R3HDM2: variants seen among roughly 807,000 people sequenced by gnomAD.
The protein encoded by R3HDM2 is R3H domain containing 2.
Under a neutral mutation model 124.5 loss-of-function variants are expected in R3HDM2, and 38 were observed. That is an observed-to-expected ratio of 0.31 (90% CI 0.24 to 0.40). The LOEUF is 0.40. R3HDM2 is among the 10% of genes least tolerant of loss of function. The pLI, the probability that R3HDM2 is intolerant of heterozygous loss-of-function variation, is 1.00. For synonymous variants in R3HDM2, 391 were observed against 448.0 expected, an observed-to-expected ratio of 0.87 and a Z score of 1.61; for missense variants, 869 against 1,236.9, an observed-to-expected ratio of 0.70 and a Z score of 4.46.
intron 1 of R3HDM2, among the ~76,000 whole-genome samples, chr12:57,400,783 C>CTTT (rs2067978528): frequency 6.6e-6 from 1 of 151,920 alleles, no homozygotes; most frequent in Admixed American, 6.6e-5. Flanking sequence ...AAACAGAGCC[C>CTTT]ATAAAAGGAC....
intron 1 of R3HDM2, among the ~76,000 whole-genome samples, chr12:57,399,828 A>G (rs540869063): frequency 6.6e-6 from 1 of 152,040 alleles, no homozygotes; most frequent in Non-Finnish European, 1.5e-5. Flanking sequence ...AATGACTCCT[A>G]CTCTTCTCTA....
At chr12:57,428,336 G>A (rs1868442850) in intron 1 of R3HDM2, among the ~76,000 whole-genome samples, 5 of 152,052 alleles carry the variant, frequency 3.3e-5, no homozygotes, top group Admixed American at 3.3e-4. Flanking sequence ...GAGCTTTAAA[G>A]CTAAGATTGG....
At chr12:57,284,158 G>T in intron 12 of R3HDM2, 102 bp from the exon 13 acceptor site, 2 of 1,069,856 alleles carry the variant, frequency 1.9e-6, no homozygotes, top group South Asian at 1.5e-5. Context: ...GAATGGGTAA[G>T]AATTAAAGGG....
chr12:57,418,622 G>C (rs898811400), intron 1 of R3HDM2, among the ~76,000 whole-genome samples: 2 of 150,540 alleles, frequency 1.3e-5, no homozygotes, highest in African/African-American at 4.9e-5. Flanking sequence ...ACAGTGGTGC[G>C]ATCTCAGCTC....
At chr12:57,289,429 G>C (rs1000493139) in intron 11 of R3HDM2, among the ~76,000 whole-genome samples, 4 of 152,214 alleles carry the variant, frequency 2.6e-5, no homozygotes, top group African/African-American at 9.6e-5. Context: ...GGAAAAGGGA[G>C]ACAAGAGAAA....
In R3HDM2 at chr12:57,287,937, A is replaced by G. The variant is rs116897622; in HGVS notation, c.938+1072T>C. Among the ~76,000 whole-genome samples, 322 of 152,026 alleles carry G rather than the reference A, an allele frequency of 2.1e-3. 9 individuals carry two copies. The East Asian group carries it at 0.05, about 23-fold the overall frequency. On this transcript the variant is annotated intron_variant, in intron 12 of 23. Transcript: ENST00000402412. ...GGAAGTTAATACAACAGGTTGCACC[A>G]GCATTCAGAGTAAGTAATGAACAAT...
At chr12:57,270,726 A>G (rs1214779790) in intron 14 of R3HDM2, among the ~76,000 whole-genome samples, 2 of 150,604 alleles carry the variant, frequency 1.3e-5, no homozygotes, top group African/African-American at 4.9e-5. Context: ...GAGCCACCGC[A>G]CCAGCCTTAT....
chr12:57,277,736 C>T (rs906030013), intron 14 of R3HDM2, among the ~76,000 whole-genome samples: 1 of 152,198 alleles, frequency 6.6e-6, no homozygotes, highest in African/African-American at 2.4e-5. Context: ...GCGTGAGCTA[C>T]CGCACCCAGT....
intron 1 of R3HDM2, among the ~76,000 whole-genome samples, chr12:57,404,274 G>A (rs2068318130): frequency 6.6e-6 from 1 of 150,568 alleles, no homozygotes; most frequent in African/African-American, 2.4e-5. Context: ...ATGTTGGTCA[G>A]GCTGGTCTCG....
At chr12:57,415,199 T>C (rs1380479524) in intron 1 of R3HDM2, 1 of 152,006 alleles carries the variant, frequency 6.6e-6, no homozygotes, top group Non-Finnish European at 1.5e-5. Flanking sequence ...CTCAAAAACA[T>C]AAGGGAGGAG....
At chr12:57,401,195 G>A (rs542908739) in intron 1 of R3HDM2, among the ~76,000 whole-genome samples, 1 of 151,388 alleles carries the variant, frequency 6.6e-6, no homozygotes, top group Non-Finnish European at 1.5e-5. Flanking sequence ...AAAAAAAAGA[G>A]TGTAGTTCAT....
At chr12:57,281,764 G>A (rs1175812208) in intron 13 of R3HDM2, among the ~76,000 whole-genome samples, 1 of 152,148 alleles carries the variant, frequency 6.6e-6, no homozygotes, top group African/African-American at 2.4e-5. Context: ...AGAATTACAG[G>A]TGTGAGCCAC....
rs201158679 is a variant in R3HDM2, at chr12:57,429,771, T to TGG, written c.-106+947_-106+948dup. ...CCAGCAACAAAAAGGGGGGCGGGGG[T>TGG]GGGGGGGGAATATTGGTGGAACAAC... On this transcript the variant is annotated intron_variant, in intron 1 of 23. Coordinates refer to ENST00000402412, the MANE Select transcript of R3HDM2 (RefSeq NM_001394031.1). Among the ~76,000 whole-genome samples, 35 of 37,972 alleles carry TGG rather than the reference T, an allele frequency of 9.2e-4. 2 individuals are homozygous for TGG. The highest frequency in any genetic ancestry group is 2.7e-3 in the African/African-American group (29 of 10,868). 24.9% of individuals were successfully genotyped at this position (37,972 alleles called of 152,430 possible). A position where few individuals can be genotyped will look rare whatever the true frequency, so the allele number is the denominator to read the frequency against.
At position 57,269,985 on chromosome 12, in the gene R3HDM2, G is replaced by A. The variant is rs1304448345; in HGVS notation, c.1354C>T (p.Leu452Phe). ...CTCATTTGTCCAAAGGGGTTGCTGA[G>A]GTCATCTGCCTGTTGAGAGAGTATA... ...NNHMISQADD[L>F]SNPFGQMSLS... Residue 452 changes from leucine (L) to phenylalanine (F), a missense_variant, in exon 15 of 24, where the codon CTC becomes TTC. Leu to Phe is a conservative substitution (Grantham distance 22, BLOSUM62 0). Transcript: ENST00000402412. The A allele has an allele frequency of 6.2e-7, 1 of 1,614,214 alleles. No individual in the cohort carries two copies. The highest frequency in any genetic ancestry group is 1.1e-5 in the South Asian group (1 of 91,082).
At chr12:57,379,678 T>A (rs2064577139) in intron 2 of R3HDM2, among the ~76,000 whole-genome samples, 1 of 150,796 alleles carries the variant, frequency 6.6e-6, no homozygotes, top group Non-Finnish European at 1.5e-5. Context: ...CAGATAGCTC[T>A]GACACAATGA....
intron 11 of R3HDM2, among the ~76,000 whole-genome samples, chr12:57,290,840 G>A (rs370241290): frequency 1.3e-5 from 2 of 152,064 alleles, no homozygotes; most frequent in African/African-American, 2.4e-5. Context: ...TCGAACTCCC[G>A]AGCTCAGGTG....
chr12:57,271,847 G>C (rs2043656507), intron 14 of R3HDM2, among the ~76,000 whole-genome samples: 1 of 151,808 alleles, frequency 6.6e-6, no homozygotes, highest in African/African-American at 2.4e-5. Flanking sequence ...TAAAACAGGG[G>C]AACAGTTTAA....
intron 2 of R3HDM2, among the ~76,000 whole-genome samples, chr12:57,335,355 C>T (rs2058717269): frequency 6.6e-6 from 1 of 151,136 alleles, no homozygotes; most frequent in South Asian, 2.1e-4. Flanking sequence ...CTACAGACGC[C>T]TGCCACCACA....
Position 57,416,141 on chromosome 12 carries a change from C to CT in R3HDM2, c.-106+14578dup, listed in dbSNP as rs557619441. 9.2e-5 allele frequency among the ~76,000 whole-genome samples: 14 copies of CT among 152,136 alleles called. No individual in the cohort carries two copies. In the South Asian group the frequency reaches 2.9e-3, roughly 32 times the overall value. ...TTAAGAAATTATGGAGTGAGGTATC[C>CT]TGATGTCTGTAATTTATTTCCTAAT... On this transcript the variant is annotated intron_variant, in intron 1 of 23. Transcript: ENST00000402412.
Sources: gnomAD v4.1 joint callset for allele counts (sites outside exome capture counted in the v4.1 genomes callset) on GRCh38, gnomAD v4.1.1 for gene constraint, MANE v1.5 for transcripts, NCBI Gene and HGNC (gene_info 2026-07-23, HGNC 2026-07-21) for gene names.